IGFL2: variants seen among roughly 807,000 people sequenced by gnomAD.
IGFL2 encodes insulin growth factor-like family member 2.
IGFL2 carries 7 observed loss-of-function variants against 13.9 expected under a neutral mutation model. That is an observed-to-expected ratio of 0.51 (90% CI 0.29 to 0.95). The LOEUF is 0.95. Ranked by LOEUF, IGFL2 falls within the 40% of genes least tolerant of loss-of-function variation. IGFL2 has a pLI of 0.08. For synonymous variants in IGFL2, 55 were observed against 55.8 expected (o/e 0.99, Z 0.07); for missense variants, 138 against 147.8 (o/e 0.93, Z 0.34).
the IGFL2 span, chr19:46,212,763 G>GAC: frequency 6.6e-6 from 1 of 151,460 alleles, no homozygotes; most frequent in South Asian, 2.1e-4. Flanking sequence ...ACGTCACGAA[G>GAC]ACACTGACTT....
At chr19:46,114,731 A>G in the IGFL2 span, among the ~76,000 whole-genome samples, 4 of 152,228 alleles carry the variant, frequency 2.6e-5, no homozygotes, top group Non-Finnish European at 4.4e-5. Flanking sequence ...GCCTTCTGCC[A>G]TGATTTTAAA....
chr19:46,193,183 C>G, the IGFL2 span, among the ~76,000 whole-genome samples: 1 of 152,122 alleles, frequency 6.6e-6, no homozygotes, highest in Admixed American at 6.5e-5. Context: ...CAGAGCAAGA[C>G]TCTGTCTCAA....
At chr19:46,145,600 ATGTGTG>A (rs1024196099), upstream of IGFL2, among the ~76,000 whole-genome samples, 70 of 94,572 alleles carry the variant, frequency 7.4e-4, 1 homozygote, top group Middle Eastern at 6.8e-3. Flanking sequence ...ACTCATATAT[ATGTGTG>A]TGTGTGTGTG....
At chr19:46,099,268 A>T in the IGFL2 span, among the ~76,000 whole-genome samples, 2,012 of 152,154 alleles carry the variant, frequency 0.013, 29 homozygotes, top group Middle Eastern at 0.027. Flanking sequence ...TTCCTTCATT[A>T]CATTCTTGGA....
chr19:46,151,243 G>T, intron 1 of IGFL2, among the ~76,000 whole-genome samples: 1 of 152,160 alleles, frequency 6.6e-6, no homozygotes, highest in Non-Finnish European at 1.5e-5. Context: ...ATTTAGGTCT[G>T]TGATACATTT....
chr19:46,127,739 CT>C, the IGFL2 span, among the ~76,000 whole-genome samples: 3 of 150,758 alleles, frequency 2.0e-5, no homozygotes, highest in African/African-American at 7.3e-5. Context: ...CATGCAATTT[CT>C]TTTTTTTTAG....
chr19:46,160,864 C>T lies in IGFL2; in HGVS notation c.324C>T (p.Ile108=). The change falls in exon 3 of 4, where the codon ATC becomes ATT. Residue 108 remains isoleucine (I), a synonymous_variant. Transcript: ENST00000377693. ...ATTCCCAGTGCCACTCATCTCCCAT[C>T]TCCAGTAAATGTGAAAGGTAGGGAC... is the stretch of plus-strand genomic sequence containing the variant. ...GVNSQCHSSP[I]SSKCESRRRF... is the part of the protein sequence containing the mutation. 6.2e-7 allele frequency: 1 copy of T among 1,613,932 alleles called. No homozygotes were observed.
the IGFL2 span, among the ~76,000 whole-genome samples, chr19:46,110,057 C>G: frequency 6.6e-6 from 1 of 152,146 alleles, no homozygotes; most frequent in Non-Finnish European, 1.5e-5. Context: ...AGATTGTAGC[C>G]CTCCAGGCAC....
At chr19:46,153,206 GT>G (rs1216941918) in intron 1 of IGFL2, among the ~76,000 whole-genome samples, 2 of 152,064 alleles carry the variant, frequency 1.3e-5, no homozygotes, top group Admixed American at 1.3e-4. Context: ...GTTGTGTTTG[GT>G]TTTTTTGAAA....
At chr19:46,091,896 C>T in the IGFL2 span, among the ~76,000 whole-genome samples, 1 of 152,012 alleles carries the variant, frequency 6.6e-6, no homozygotes, top group Admixed American at 6.6e-5. Flanking sequence ...AATAAAGTTT[C>T]AATTTATTTT....
At chr19:46,181,309 T>C in the IGFL2 span, 8 of 152,196 alleles carry the variant, frequency 5.3e-5, no homozygotes, top group African/African-American at 1.9e-4. Context: ...TGACCCTCCT[T>C]CTTGTCCAGA....
intron 1 of IGFL2, among the ~76,000 whole-genome samples, chr19:46,153,529 T>C (rs1973628124): frequency 6.6e-6 from 1 of 152,164 alleles, no homozygotes; most frequent in Admixed American, 6.5e-5. Context: ...AAAATCAGAT[T>C]CTTTATTTTT....
the IGFL2 span, among the ~76,000 whole-genome samples, chr19:46,135,110 T>C: frequency 6.7e-6 from 1 of 149,718 alleles, no homozygotes; most frequent in African/African-American, 2.5e-5. Flanking sequence ...AAAAAAGTTG[T>C]ACAGTTGGTT....
chr19:46,082,193 T>TA, the IGFL2 span, among the ~76,000 whole-genome samples: 1 of 152,226 alleles, frequency 6.6e-6, no homozygotes, highest in African/African-American at 2.4e-5. Flanking sequence ...AAATTACTGT[T>TA]ACTTTCCTTT....
chr19:46,183,762 C>A, the IGFL2 span, among the ~76,000 whole-genome samples: 4 of 152,152 alleles, frequency 2.6e-5, no homozygotes, highest in African/African-American at 9.7e-5. Context: ...TCTTGAACTC[C>A]TGACCTCAGA....
At chr19:46,115,959 G>T in the IGFL2 span, among the ~76,000 whole-genome samples, 1 of 152,160 alleles carries the variant, frequency 6.6e-6, no homozygotes, top group African/African-American at 2.4e-5. Context: ...TCTGCCGCCT[G>T]TGTGAAGGGG....
At chr19:46,210,962 C>G in the IGFL2 span, among the ~76,000 whole-genome samples, 1 of 152,194 alleles carries the variant, frequency 6.6e-6, no homozygotes, top group Middle Eastern at 3.2e-3. Flanking sequence ...TCCCAGAGGG[C>G]CTTGCAGGTG....
At chr19:46,165,073 T>G (rs1045736992), downstream of IGFL2, among the ~76,000 whole-genome samples, 4 of 152,232 alleles carry the variant, frequency 2.6e-5, no homozygotes, top group African/African-American at 9.6e-5. Flanking sequence ...GCCCTTGTAC[T>G]GCTTAGTCAA....
At chr19:46,149,837 C>T (rs1001789039) in intron 1 of IGFL2, among the ~76,000 whole-genome samples, 1 of 152,164 alleles carries the variant, frequency 6.6e-6, no homozygotes, top group Non-Finnish European at 1.5e-5. Flanking sequence ...CTGTTACAAA[C>T]ATATGTATAC....
Sources: gnomAD v4.1 joint callset for allele counts (sites outside exome capture counted in the v4.1 genomes callset) on GRCh38, gnomAD v4.1.1 for gene constraint, MANE v1.5 for transcripts, NCBI Gene and HGNC (gene_info 2026-07-23, HGNC 2026-07-21) for gene names.